The following PGR variants were observed in gnomAD, a reference collection of about 807,000 sequenced individuals.
The protein encoded by PGR is nuclear receptor subfamily 3 group C member 3.
In PGR, 25 loss-of-function variants were observed where a neutral mutation model predicts 76.1. The ratio of observed to expected loss-of-function variants is 0.33; its 90% CI spans 0.24 to 0.46. The LOEUF is 0.46. Among genes scored for constraint, PGR ranks in the 20% least tolerant of loss-of-function variants. PGR has a pLI of 1.00. For missense variants in PGR, 1,172 were observed against 1,225.3 expected, an observed-to-expected ratio of 0.96 and a Z score of 0.65; for synonymous variants, 579 against 535.0, an observed-to-expected ratio of 1.08 and a Z score of -1.14.
chr11:101,083,469 A>G (rs1344863442), intron 3 of PGR, among the ~76,000 whole-genome samples: 1 of 152,180 alleles, frequency 6.6e-6, no homozygotes, highest in African/African-American at 2.4e-5. Flanking sequence ...AGATCCATCA[A>G]CAGCTTGCAT....
intron 3 of PGR, among the ~76,000 whole-genome samples, chr11:101,089,866 A>T (rs1182931946): frequency 6.6e-6 from 1 of 152,232 alleles, no homozygotes; most frequent in Middle Eastern, 3.2e-3. Flanking sequence ...AGTAACAAGC[A>T]GTTTGGTTAG....
rs1465372883 is a variant in PGR at position 101,042,056 on chromosome 11, C to T, written c.2535G>A (p.Arg845=). ...TGATGAGCTCTCTAATGTAGCTTGACCTCATCTCCTCAAACTGGGTTTGAC... is the reference window on the plus strand; with the variant it reads ...TGATGAGCTCTCTAATGTAGCTTGATCTCATCTCCTCAAACTGGGTTTGAC... ...LRSQTQFEEM[R]SSYIRELIKA... Residue 845 remains arginine (R), a synonymous_variant, in exon 7 of 8, where the codon AGG becomes AGA. Coordinates refer to ENST00000325455, the MANE Select transcript of PGR (RefSeq NM_000926.4). The T allele has an allele frequency of 6.2e-7, 1 of 1,613,472 alleles. No individual in the cohort carries two copies. Among genetic ancestry groups the T allele is most frequent in the East Asian group, 2.2e-5 (1 of 44,838 alleles).
chr11:101,065,071 G>T (rs1860666770), intron 3 of PGR, among the ~76,000 whole-genome samples: 1 of 152,170 alleles, frequency 6.6e-6, no homozygotes, highest in South Asian at 2.1e-4. Flanking sequence ...ACTACTTCAT[G>T]ACACATTTCT....
At position 101,114,373 on chromosome 11, in the gene PGR, C is replaced by A. The variant is rs12270391; in HGVS notation, c.1789+11634G>T. Among the ~76,000 whole-genome samples, 548 of 152,174 alleles carry A rather than the reference C, an allele frequency of 3.6e-3. 4 individuals are homozygous for A. The highest frequency in any genetic ancestry group is 0.012 in the African/African-American group (519 of 41,522). ...TGGTATAAATTAATAAATAAGCAGA[C>A]GACTAAATGAAGTGACAAACCAGAA... is the stretch of plus-strand genomic sequence containing the variant. On this transcript the variant is annotated intron_variant, in intron 2 of 7. Coordinates refer to ENST00000325455, the MANE Select transcript of PGR (RefSeq NM_000926.4).
chr11:101,094,072 T>G (rs1861761519), intron 2 of PGR, among the ~76,000 whole-genome samples: 1 of 152,176 alleles, frequency 6.6e-6, no homozygotes, highest in African/African-American at 2.4e-5. Context: ...CCTAAAGTCT[T>G]TAGTCTCTCC....
chr11:101,094,451 C>A (rs1401251967), intron 2 of PGR, among the ~76,000 whole-genome samples: 1 of 152,144 alleles, frequency 6.6e-6, no homozygotes, highest in Admixed American at 6.5e-5. Context: ...GTCTTTCCAG[C>A]ACTTCCTTTT....
chr11:101,117,809 C>T (rs1474404701), intron 2 of PGR, among the ~76,000 whole-genome samples: 4 of 152,128 alleles, frequency 2.6e-5, no homozygotes, highest in African/African-American at 9.7e-5. Flanking sequence ...CACATCTCTG[C>T]CAGTACTACT....
chr11:101,126,845 C>T (rs1862853917), intron 1 of PGR: 1 of 152,716 alleles, frequency 6.5e-6, no homozygotes, highest in Admixed American at 6.5e-5. Flanking sequence ...ACAGTTTAAA[C>T]ATTTCCCACG....
At position 101,126,293 on chromosome 11, in the gene PGR, T is replaced by C. The variant is rs1286421043; in HGVS notation, c.1638-135A>G. On this transcript the variant is annotated intron_variant, in intron 1 of 7. Transcript: ENST00000325455. ...ACTGTATATATACACTTGAAAGACATGCAAACTAAACTTGGTAATAGACTA... is the reference window on the plus strand; with the variant it reads ...ACTGTATATATACACTTGAAAGACACGCAAACTAAACTTGGTAATAGACTA... The C allele has an allele frequency of 2.7e-5, 22 of 807,958 alleles. No individual in the cohort carries two copies. In the Admixed American group the frequency reaches 2.8e-4, roughly 10 times the overall value. The allele number at this position is 807,958 out of a possible 1,614,324, so 50.0% of individuals were successfully genotyped here. A position where few individuals can be genotyped will look rare whatever the true frequency, so the allele number is the denominator to read the frequency against.
In PGR at chr11:101,062,712, T is replaced by C; in HGVS notation, c.1947A>G (p.Arg649=). 1 of 1,613,666 alleles carries C rather than the reference T, an allele frequency of 6.2e-7. No individual in the cohort carries two copies. The highest frequency in any genetic ancestry group is 1.7e-5 in the Admixed American group (1 of 59,928). ...FKKFNKVRVV[R]ALDAVALPQP... is the part of the protein sequence containing the mutation. Reference sequence around the variant, plus strand: ...GTGGGAGAGCAACAGCATCCAGTGCTCTCACAACTCTGACTTTATTGAACT... The same window carrying C: ...GTGGGAGAGCAACAGCATCCAGTGCCCTCACAACTCTGACTTTATTGAACT... The change falls in exon 4 of 8, where the codon AGA becomes AGG. Residue 649 remains arginine, a synonymous_variant. Transcript: ENST00000325455.
At chr11:101,069,268 T>A (rs1217845) in intron 3 of PGR, among the ~76,000 whole-genome samples, 27,677 of 152,106 alleles carry the variant, frequency 0.18, 3,033 homozygotes, top group African/African-American at 0.31. Context: ...AAAGCTCATC[T>A]TCACTGGTCA....
At chr11:101,116,739 C>CAAAAAAAAAAAAAAAAAA (rs11300466) in intron 2 of PGR, among the ~76,000 whole-genome samples, 1 of 68,966 alleles carries the variant, frequency 1.4e-5, no homozygotes, top group African/African-American at 5.9e-5. Context: ...GATTCCACCT[C>CAAAAAAAAAAAAAAAAAA]AAAAAAAAAA....
At chr11:101,089,003 A>G (rs755711303) in intron 3 of PGR, among the ~76,000 whole-genome samples, 2 of 152,200 alleles carry the variant, frequency 1.3e-5, no homozygotes, top group Non-Finnish European at 2.9e-5. Flanking sequence ...GAGCATAACA[A>G]TGGAAACTGA....
At position 101,038,883 on chromosome 11, in the gene PGR, ATCTTGTAAAT is replaced by A; in HGVS notation, c.*223_*232del. On this transcript the variant is annotated 3_prime_UTR_variant, in exon 8 of 8. Coordinates refer to ENST00000325455, the MANE Select transcript of PGR (RefSeq NM_000926.4). ...CTTTAACAATTTTAGTACTTTTTCAATCTTGTAAATTCTTCAAGAAAATATGGGTAAACAA... is the reference window on the plus strand; with the variant it reads ...CTTTAACAATTTTAGTACTTTTTCAATCTTCAAGAAAATATGGGTAAACAA... 1 of 432,610 alleles carries A rather than the reference ATCTTGTAAAT, an allele frequency of 2.3e-6. No homozygotes were observed. The highest frequency in any genetic ancestry group is 4.1e-6 in the Non-Finnish European group (1 of 241,754). 26.8% of individuals were successfully genotyped at this position (432,610 alleles called of 1,614,324 possible). A position where few individuals can be genotyped will look rare whatever the true frequency, so the allele number is the denominator to read the frequency against.
chr11:101,110,933 G>A (rs979608050), intron 2 of PGR, among the ~76,000 whole-genome samples: 6 of 152,126 alleles, frequency 3.9e-5, no homozygotes, highest in African/African-American at 1.4e-4. Context: ...AGGCTCATGT[G>A]ATCATTAGCA....
chr11:101,053,873 C>T (rs187849386), intron 4 of PGR, among the ~76,000 whole-genome samples: 31 of 152,042 alleles, frequency 2.0e-4, no homozygotes, highest in South Asian at 2.1e-4. Flanking sequence ...GTAGTTTTTG[C>T]GAGAGCAAAT....
chr11:101,097,570 T>C (rs558899016), intron 2 of PGR, among the ~76,000 whole-genome samples: 44 of 152,220 alleles, frequency 2.9e-4, no homozygotes, highest in Non-Finnish European at 5.4e-4. Context: ...ATTGTTTCGC[T>C]TATATTTGTA....
At position 101,127,638 on chromosome 11, in the gene PGR, G is replaced by C. The variant is rs1222157398; in HGVS notation, c.1433C>G (p.Pro478Arg). 7.2e-7 allele frequency: 1 copy of C among 1,396,924 alleles called. No individual in the cohort carries two copies. The highest frequency in any genetic ancestry group is 9.2e-7 in the Non-Finnish European group (1 of 1,081,314). The allele number at this position is 1,396,924 out of a possible 1,614,324, so 86.5% of individuals were successfully genotyped here. Residue 478 changes from proline (P) to arginine (R), a missense_variant, in exon 1 of 8, where the codon CCG becomes CGG. Around this residue, in one of 4 missense-constraint regions of PGR, gnomAD observed 893 missense variants for 785.9 expected, o/e 1.14. Transcript: ENST00000325455. ...GCTCGCGCCCGGCGCCTTGCAGGGC[G>C]GCGGCGCGAACGGGCCCTGCTGGGG... ...APPQQGPFAPPPCKAPGASGC... is the reference protein window; with the variant it reads ...APPQQGPFAPRPCKAPGASGC...
chr11:101,062,676 G>A lies in PGR; in HGVS notation c.1983C>T (p.Gly661=), dbSNP rs139646398. ...TTAGGGCTTGGCTTTCATTTGGAAC[G>A]CCCACTGGCTGTGGGAGAGCAACAG... ...LDAVALPQPV[G]VPNESQALSQ... is the part of the protein sequence containing the mutation. Residue 661 remains glycine, a synonymous_variant, in exon 4 of 8, where the codon GGC becomes GGT. Transcript: ENST00000325455. 1.2e-3 allele frequency: 1,929 copies of A among 1,613,730 alleles called. 9 individuals carry two copies. Among genetic ancestry groups the A allele is most frequent in the Non-Finnish European group, 1.2e-3 (1,444 of 1,179,780 alleles).
Sources: allele counts gnomAD v4.1 joint callset (sites outside exome capture counted in the v4.1 genomes callset), GRCh38; gene constraint gnomAD v4.1.1; regional missense constraint gnomAD v4.1.1; transcripts MANE v1.5; gene names NCBI Gene and HGNC (gene_info 2026-07-23, HGNC 2026-07-21).